The following TUBGCP3 variants were observed in gnomAD, a reference collection of about 807,000 sequenced individuals.
TUBGCP3 encodes the protein gamma-tubulin complex component 3.
In TUBGCP3, 50 loss-of-function variants were observed where a neutral mutation model predicts 123.1. That is an observed-to-expected ratio of 0.41 (90% CI 0.32 to 0.51). The LOEUF (loss-of-function observed/expected upper bound fraction) is 0.51, where lower values mean the gene tolerates loss of function less well. Ranked by LOEUF, TUBGCP3 falls within the 20% of genes least tolerant of loss-of-function variation. The pLI is 0.36. For synonymous variants in TUBGCP3, 405 were observed against 413.9 expected (o/e 0.98, Z 0.26); for missense variants, 882 against 1,127.0 (o/e 0.78, Z 3.11).
At chr13:112,507,180 G>A (rs1244385546) in intron 17 of TUBGCP3, among the ~76,000 whole-genome samples, 1 of 152,184 alleles carries the variant, frequency 6.6e-6, no homozygotes, top group Non-Finnish European at 1.5e-5. Context: ...CTTTTCATGG[G>A]AAAACAAATG....
At chr13:112,532,100 C>T (rs1047850779) in intron 11 of TUBGCP3, among the ~76,000 whole-genome samples, 3 of 152,122 alleles carry the variant, frequency 2.0e-5, no homozygotes, top group South Asian at 4.1e-4. Context: ...TTGCCAATCA[C>T]GCAGGCAGCT....
intron 3 of TUBGCP3, among the ~76,000 whole-genome samples, chr13:112,564,727 GT>G (rs1354029777): frequency 1.3e-5 from 2 of 151,972 alleles, no homozygotes; most frequent in Non-Finnish European, 2.9e-5. Flanking sequence ...CAATTTTTTC[GT>G]TATTCACTAT....
rs1165682557 is a variant in TUBGCP3 at position 112,587,935 on chromosome 13, G to A, written c.46C>T (p.Leu16=). The A allele has an allele frequency of 1.3e-6, 2 of 1,594,402 alleles. No homozygotes were observed. Among genetic ancestry groups the A allele is most frequent in the Non-Finnish European group, 1.7e-6 (2 of 1,171,956 alleles). The change falls in exon 1 of 22, where the codon CTG becomes TTG. Residue 16 remains leucine, a synonymous_variant. Coordinates refer to ENST00000261965, the MANE Select transcript of TUBGCP3 (RefSeq NM_006322.6). ...CTCCTGCCCAGGATCCTGCAGCACAGGTTCTGCAGCAGAACGTTCGGCGAC... is the reference window on the plus strand; with the variant it reads ...CTCCTGCCCAGGATCCTGCAGCACAAGTTCTGCAGCAGAACGTTCGGCGAC... ...QKSPNVLLQN[L]CCRILGRSEA... is the part of the protein sequence containing the mutation.
the TUBGCP3 span, among the ~76,000 whole-genome samples, chr13:112,600,049 A>G: frequency 5.3e-5 from 8 of 152,322 alleles, no homozygotes; most frequent in Admixed American, 4.6e-4. Flanking sequence ...TGCTAAGACT[A>G]CGAATCCCAC....
chr13:112,533,799 CT>C (rs56710076), intron 11 of TUBGCP3, among the ~76,000 whole-genome samples: 5,535 of 118,750 alleles, frequency 0.047, 120 homozygotes, highest in African/African-American at 0.079. Flanking sequence ...AAGAGAATTT[CT>C]TTTTTTTTTT....
chr13:112,590,741 A>G (rs1160968902), upstream of TUBGCP3, among the ~76,000 whole-genome samples: 2 of 152,216 alleles, frequency 1.3e-5, no homozygotes, highest in African/African-American at 2.4e-5. Flanking sequence ...CAGCATTTCC[A>G]TTGTGCCTAT....
chr13:112,486,176 A>C (rs756557900), intron 21 of TUBGCP3, 25 bp from the exon 22 acceptor site: 3 of 1,609,408 alleles, frequency 1.9e-6, no homozygotes, highest in Non-Finnish European at 2.5e-6. Flanking sequence ...AAGGAGTAAA[A>C]TATTGTTTCA....
intron 11 of TUBGCP3, among the ~76,000 whole-genome samples, chr13:112,539,248 C>A (rs1025958890): frequency 1.3e-5 from 2 of 152,102 alleles, no homozygotes; most frequent in African/African-American, 4.8e-5. Context: ...AGGGAAGGCC[C>A]AGAGAGGTGA....
At chr13:112,525,003 C>T (rs1876932129) in intron 13 of TUBGCP3, among the ~76,000 whole-genome samples, 1 of 152,156 alleles carries the variant, frequency 6.6e-6, no homozygotes. Context: ...ACTGACTCTT[C>T]CTGATCCCCA....
chr13:112,550,648 G>A (rs1319016224), intron 8 of TUBGCP3, among the ~76,000 whole-genome samples: 1 of 152,210 alleles, frequency 6.6e-6, no homozygotes, highest in Non-Finnish European at 1.5e-5. Flanking sequence ...TGGGCACAAA[G>A]GTGCTTACTA....
chr13:112,590,718 C>A (rs77821152), upstream of TUBGCP3, among the ~76,000 whole-genome samples: 1 of 152,212 alleles, frequency 6.6e-6, no homozygotes, highest in Non-Finnish European at 1.5e-5. Flanking sequence ...TATGCAAAAT[C>A]TGGCCCATTT....
At chr13:112,517,874 AGAGT>A (rs1876283130) in intron 16 of TUBGCP3, among the ~76,000 whole-genome samples, 1 of 152,206 alleles carries the variant, frequency 6.6e-6, no homozygotes, top group Admixed American at 6.5e-5. Context: ...CCTTGGTGAC[AGAGT>A]GAGACTCTGT....
chr13:112,526,933 T>G lies in TUBGCP3; in HGVS notation c.1555+9A>C. 6.2e-7 allele frequency: 1 copy of G among 1,602,380 alleles called. No homozygotes were observed. Among genetic ancestry groups the G allele is most frequent in the South Asian group, 1.1e-5 (1 of 90,568 alleles). Reference sequence around the variant, plus strand: ...TGCCATCATCACCACCCCACCAGCATCATCATACCGTCCTGGGGTGACTCT... The same window carrying G: ...TGCCATCATCACCACCCCACCAGCAGCATCATACCGTCCTGGGGTGACTCT... On this transcript the variant is annotated intron_variant, in intron 13 of 21. Coordinates refer to ENST00000261965, the MANE Select transcript of TUBGCP3 (RefSeq NM_006322.6).
intron 8 of TUBGCP3, among the ~76,000 whole-genome samples, chr13:112,551,938 T>C (rs943132524): frequency 2.4e-4 from 37 of 152,074 alleles, no homozygotes; most frequent in African/African-American, 8.9e-4. Flanking sequence ...TAATCAGACA[T>C]TAGATTCTCA....
intron 11 of TUBGCP3, among the ~76,000 whole-genome samples, chr13:112,531,923 A>G (rs1338734835): frequency 6.6e-6 from 1 of 152,230 alleles, no homozygotes; most frequent in African/African-American, 2.4e-5. Context: ...CGCAGAAAGA[A>G]TTAAGAAAAA....
At chr13:112,577,139 T>C (rs1219550684) in intron 1 of TUBGCP3, among the ~76,000 whole-genome samples, 2 of 152,152 alleles carry the variant, frequency 1.3e-5, no homozygotes, top group Non-Finnish European at 2.9e-5. Flanking sequence ...ATGTAGACAC[T>C]TCACTCTCAA....
At chr13:112,544,294 A>G (rs1878796166) in intron 11 of TUBGCP3, among the ~76,000 whole-genome samples, 2 of 152,058 alleles carry the variant, frequency 1.3e-5, no homozygotes, top group African/African-American at 4.8e-5. Context: ...TCTACTAAAA[A>G]TACAAAAATT....
chr13:112,547,710 T>C lies in TUBGCP3; in HGVS notation c.1078A>G (p.Ser360Gly). Residue 360 changes from serine to glycine, a missense_variant, in exon 10 of 22, where the codon AGT becomes GGT. By Grantham distance (56) the Ser-to-Gly change is moderately conservative (BLOSUM62 0). Coordinates refer to ENST00000261965, the MANE Select transcript of TUBGCP3 (RefSeq NM_006322.6). ...DDQGVNLGLESSLTLRRLLVW... is the reference protein window; with the variant it reads ...DDQGVNLGLEGSLTLRRLLVW... ...AGGAGGCGCCGAAGTGTTAAACTACTCTCAAGTCCCAAATTCACACCCTGG... is the reference window on the plus strand; with the variant it reads ...AGGAGGCGCCGAAGTGTTAAACTACCCTCAAGTCCCAAATTCACACCCTGG... 1.3e-6 allele frequency: 2 copies of C among 1,547,064 alleles called. No individual in the cohort carries two copies. Among genetic ancestry groups the C allele is most frequent in the Non-Finnish European group, 1.7e-6 (2 of 1,145,524 alleles).
chr13:112,496,290 G>A (rs1273712337), intron 20 of TUBGCP3, among the ~76,000 whole-genome samples: 1 of 152,198 alleles, frequency 6.6e-6, no homozygotes, highest in African/African-American at 2.4e-5. Flanking sequence ...GAGCCATGAG[G>A]AGGAAGAGAA....
Sources: allele counts gnomAD v4.1 joint callset (sites outside exome capture counted in the v4.1 genomes callset), GRCh38; gene constraint gnomAD v4.1.1; transcripts MANE v1.5; gene names NCBI Gene and HGNC (gene_info 2026-07-23, HGNC 2026-07-21).